LDLRAD4: variants seen among roughly 807,000 people sequenced by gnomAD.
LDLRAD4 encodes the protein low density lipoprotein receptor class A domain containing 4, also known as low-density lipoprotein receptor class A domain-containing protein 4.
Under a neutral mutation model 17.0 loss-of-function variants are expected in LDLRAD4, and 5 were observed. The ratio of observed to expected loss-of-function variants is 0.29; its 90% CI spans 0.15 to 0.62. The LOEUF is 0.62. LDLRAD4 is among the 20% of genes least tolerant of loss of function. The probability of loss-of-function intolerance (pLI) is 0.84; values close to 1 mark genes in which losing one functional copy is unlikely to be tolerated. For synonymous variants in LDLRAD4, 168 were observed against 171.8 expected (o/e 0.98, Z 0.17); for missense variants, 340 against 424.7 (o/e 0.80, Z 1.75).
At chr18:13,329,961 A>G (rs965617121) in intron 1 of LDLRAD4, among the ~76,000 whole-genome samples, 1 of 138,092 alleles carries the variant, frequency 7.2e-6, no homozygotes, top group Non-Finnish European at 1.6e-5. Flanking sequence ...ACTCCCTCCA[A>G]TTTTTTTTTT....
At chr18:13,507,759 C>T (rs903492567) in intron 3 of LDLRAD4, among the ~76,000 whole-genome samples, 3 of 152,218 alleles carry the variant, frequency 2.0e-5, no homozygotes, top group Non-Finnish European at 1.5e-5. Flanking sequence ...TCCGTCACTT[C>T]TCTTCCTTTC....
In LDLRAD4 at chr18:13,574,221, T is replaced by G. The variant is rs568776789; in HGVS notation, c.182-46896T>G. 3.2e-4 allele frequency among the ~76,000 whole-genome samples: 48 copies of G among 152,340 alleles called. No individual in the cohort carries two copies. In the South Asian group the frequency reaches 9.3e-3, roughly 30 times the overall value. On this transcript the variant is annotated intron_variant, in intron 3 of 5. Coordinates refer to ENST00000359446, the Ensembl canonical transcript of LDLRAD4. ...TGGATGTTCTGCCGTCTGCTATTAT[T>G]ACCCATGGTTTGCTTTTGTGTGTGG... is the stretch of plus-strand genomic sequence containing the variant.
chr18:13,587,097 C>T (rs1329433523), intron 3 of LDLRAD4, among the ~76,000 whole-genome samples: 1 of 152,272 alleles, frequency 6.6e-6, no homozygotes, highest in Middle Eastern at 3.4e-3. Flanking sequence ...TTCCTTGGGT[C>T]AGAGGGTTCT....
At chr18:13,459,531 C>T (rs988620449) in intron 3 of LDLRAD4, among the ~76,000 whole-genome samples, 3 of 151,894 alleles carry the variant, frequency 2.0e-5, no homozygotes, top group East Asian at 1.9e-4. Flanking sequence ...TATAGGTGCC[C>T]GCAACCACGC....
At chr18:13,610,721 C>T (rs903372085) in intron 3 of LDLRAD4, among the ~76,000 whole-genome samples, 3 of 152,112 alleles carry the variant, frequency 2.0e-5, no homozygotes, top group Admixed American at 6.5e-5. Flanking sequence ...CAAGGAGCCT[C>T]GGGGCTCCAG....
intron 3 of LDLRAD4, among the ~76,000 whole-genome samples, chr18:13,534,165 A>C (rs2094169061): frequency 6.6e-6 from 1 of 152,238 alleles, no homozygotes; most frequent in South Asian, 2.1e-4. Flanking sequence ...GGTTCAAGGC[A>C]GTGCCTATCT....
intron 3 of LDLRAD4, among the ~76,000 whole-genome samples, chr18:13,573,124 A>G (rs937841184): frequency 2.0e-5 from 3 of 151,912 alleles, no homozygotes; most frequent in Non-Finnish European, 4.4e-5. Context: ...TATTTTTTTG[A>G]GACGGAGTCT....
chr18:13,287,361 A>G (rs2045688434), intron 1 of LDLRAD4, among the ~76,000 whole-genome samples: 1 of 152,246 alleles, frequency 6.6e-6, no homozygotes, highest in Non-Finnish European at 1.5e-5. Flanking sequence ...TGATTTTTCA[A>G]AAAACAGTTG....
chr18:13,304,914 C>T (rs909261513), intron 1 of LDLRAD4, among the ~76,000 whole-genome samples: 7 of 152,104 alleles, frequency 4.6e-5, no homozygotes, highest in Non-Finnish European at 8.8e-5. Context: ...AGCCTGCTGA[C>T]GGAGGGCGTG....
At chr18:13,415,059 T>A (rs186445295) in intron 2 of LDLRAD4, among the ~76,000 whole-genome samples, 162 of 152,322 alleles carry the variant, frequency 1.1e-3, no homozygotes, top group African/African-American at 3.7e-3. Flanking sequence ...ATATCTTCTT[T>A]CTGTGAGAGT....
chr18:13,612,870 G>C lies in LDLRAD4; in HGVS notation c.182-8247G>C. ...GGTCTGAGGACAGAGCTGAGAAGAG[G>C]AGAAGCTCTTTCTCAAGAAGTTTCT... is the stretch of plus-strand genomic sequence containing the variant. On this transcript the variant is annotated intron_variant, in intron 3 of 5. Transcript: ENST00000359446. 5.0e-6 allele frequency: 7 copies of C among 1,411,004 alleles called. No homozygotes were observed. The South Asian group carries it at 8.8e-5, about 18-fold the overall frequency. 87.4% of individuals were successfully genotyped at this position (1,411,004 alleles called of 1,614,324 possible). A position where few individuals can be genotyped will look rare whatever the true frequency, so the allele number is the denominator to read the frequency against.
chr18:13,400,671 T>C (rs927529564), intron 2 of LDLRAD4, among the ~76,000 whole-genome samples: 2 of 152,192 alleles, frequency 1.3e-5, no homozygotes, highest in Non-Finnish European at 2.9e-5. Context: ...ATATCACAAG[T>C]GAGCCCATAA....
chr18:13,462,791 G>A (rs1218151514), intron 3 of LDLRAD4, among the ~76,000 whole-genome samples: 1 of 152,186 alleles, frequency 6.6e-6, no homozygotes, highest in Admixed American at 6.5e-5. Flanking sequence ...GAGAGCCTGA[G>A]CAGAGCCCCG....
chr18:13,368,716 G>A (rs1445957120), intron 1 of LDLRAD4, among the ~76,000 whole-genome samples: 1 of 152,204 alleles, frequency 6.6e-6, no homozygotes, highest in Non-Finnish European at 1.5e-5. Context: ...TTCAGTTTTG[G>A]AGGATGCTCA....
At chr18:13,405,590 C>CTGGCTAAT (rs942330149) in intron 2 of LDLRAD4, among the ~76,000 whole-genome samples, 2 of 151,166 alleles carry the variant, frequency 1.3e-5, no homozygotes, top group Non-Finnish European at 2.9e-5. Flanking sequence ...GCCACCATGC[C>CTGGCTAAT]TGGCTAATTA....
At chr18:13,340,802 C>G (rs2082333836) in intron 1 of LDLRAD4, among the ~76,000 whole-genome samples, 1 of 152,046 alleles carries the variant, frequency 6.6e-6, no homozygotes, top group Non-Finnish European at 1.5e-5. Flanking sequence ...GAAATTGTTG[C>G]CATATCCAAT....
chr18:13,474,074 G>A (rs895088694), intron 3 of LDLRAD4, among the ~76,000 whole-genome samples: 4 of 152,114 alleles, frequency 2.6e-5, no homozygotes, highest in East Asian at 1.9e-4. Flanking sequence ...AACCCGCCTC[G>A]TGCTCTTTCT....
At chr18:13,275,501 C>G (rs1445525002), upstream of LDLRAD4, among the ~76,000 whole-genome samples, 1 of 152,130 alleles carries the variant, frequency 6.6e-6, no homozygotes, top group Admixed American at 6.5e-5. Context: ...CTTTTTGTGA[C>G]TAGACATTGG....
At chr18:13,610,910 C>T (rs2039490341) in intron 3 of LDLRAD4, among the ~76,000 whole-genome samples, 2 of 152,176 alleles carry the variant, frequency 1.3e-5, no homozygotes, top group African/African-American at 4.8e-5. Context: ...TCGGAAATTG[C>T]TCAGGAAGAA....
Sources: gnomAD v4.1 joint callset for allele counts (sites outside exome capture counted in the v4.1 genomes callset) on GRCh38, gnomAD v4.1.1 for gene constraint, MANE v1.5 for transcripts, NCBI Gene and HGNC (gene_info 2026-07-23, HGNC 2026-07-21) for gene names.